Variants in ODAD1 observed in about 807,000 individuals in gnomAD.
ODAD1 encodes outer dynein arm-docking complex subunit 1.
ODAD1 carries 49 observed loss-of-function variants against 67.2 expected under a neutral mutation model. The ratio of observed to expected loss-of-function variants is 0.73; its 90% CI spans 0.58 to 0.92. ODAD1 has a LOEUF of 0.92. Among genes scored for constraint, ODAD1 ranks in the 40% least tolerant of loss-of-function variants. ODAD1 has a pLI of 0.00. For missense variants in ODAD1, 897 were observed against 953.7 expected (o/e 0.94, Z 0.78); for synonymous variants, 345 against 393.7 (o/e 0.88, Z 1.46).
At chr19:48,319,559 G>A (rs967443789) in intron 3 of ODAD1, 13 of 355,776 alleles carry the variant, frequency 3.7e-5, no homozygotes, top group South Asian at 1.1e-4. Context: ...ACAGGGTCTC[G>A]CTCTGTCCCC....
intron 6 of ODAD1, 74 bp from the exon 7 acceptor site, chr19:48,311,740 A>G (rs1355835944): frequency 2.1e-6 from 2 of 952,148 alleles, no homozygotes; most frequent in African/African-American, 3.3e-5. Flanking sequence ...TCAGCCAAGG[A>G]GGAGACACTT....
chr19:48,316,993 A>G (rs980683299), intron 5 of ODAD1, among the ~76,000 whole-genome samples: 2 of 152,124 alleles, frequency 1.3e-5, no homozygotes, highest in African/African-American at 4.8e-5. Flanking sequence ...ACAGAGCGAG[A>G]CTTTGTCTTG....
At chr19:48,307,857 G>C (rs1170419323) in intron 7 of ODAD1, among the ~76,000 whole-genome samples, 1 of 150,956 alleles carries the variant, frequency 6.6e-6, no homozygotes, top group Non-Finnish European at 1.5e-5. Context: ...GTCTCTTAGT[G>C]CCTCAACACC....
At chr19:48,319,346 G>T in intron 3 of ODAD1, 1 of 699,368 alleles carries the variant, frequency 1.4e-6, no homozygotes, top group Non-Finnish European at 1.8e-6. Flanking sequence ...CCCCTCATAG[G>T]CCTCCCATGA....
intron 5 of ODAD1, among the ~76,000 whole-genome samples, chr19:48,313,147 G>C (rs775300009): frequency 1.3e-5 from 2 of 152,138 alleles, no homozygotes; most frequent in Non-Finnish European, 2.9e-5. Context: ...CTCATATGTT[G>C]GCCGGGCACG....
At chr19:48,305,809 C>T (rs1183811438) in intron 8 of ODAD1, among the ~76,000 whole-genome samples, 8 of 151,886 alleles carry the variant, frequency 5.3e-5, no homozygotes, top group African/African-American at 1.9e-4. Flanking sequence ...GCCTGTAATC[C>T]CAGCACTTTG....
intron 5 of ODAD1, among the ~76,000 whole-genome samples, chr19:48,314,404 G>T (rs1968845012): frequency 6.6e-6 from 1 of 152,140 alleles, no homozygotes. Flanking sequence ...GTGGAACTTT[G>T]TCATAGCAGC....
In ODAD1 at chr19:48,312,062, C is replaced by G; in HGVS notation, c.415G>C (p.Gly139Arg). 6.5e-7 allele frequency: 1 copy of G among 1,550,366 alleles called. No individual in the cohort carries two copies. Among genetic ancestry groups the G allele is most frequent in the African/African-American group, 1.4e-5 (1 of 73,132 alleles). Reference protein sequence around the residue: ...FTHSKNVRSPGFILDQKVKIR... With the variant: ...FTHSKNVRSPRFILDQKVKIR... ...TTGACCTTCTGATCCAGGATGAATCCCGGGGACCTGACATTCTTACTGTGG... is the reference window on the plus strand; with the variant it reads ...TTGACCTTCTGATCCAGGATGAATCGCGGGGACCTGACATTCTTACTGTGG... Residue 139 changes from glycine (G) to arginine (R), a missense_variant, in exon 6 of 16, where the codon GGA becomes CGA. Physicochemically the swap from Gly to Arg is moderately radical, Grantham distance 125. Coordinates refer to ENST00000674294, the MANE Select transcript of ODAD1 (RefSeq NM_001364171.2).
intron 12 of ODAD1, among the ~76,000 whole-genome samples, chr19:48,298,916 G>A (rs1968381277): frequency 6.6e-6 from 1 of 152,194 alleles, no homozygotes; most frequent in Admixed American, 6.5e-5. Flanking sequence ...CAGGAAGGAG[G>A]ACCTGCCCAT....
At chr19:48,310,543 G>A (rs1222078270) in intron 7 of ODAD1, among the ~76,000 whole-genome samples, 7 of 152,176 alleles carry the variant, frequency 4.6e-5, no homozygotes, top group East Asian at 1.9e-4. Context: ...AGGAAATGGC[G>A]TTGTTCTTAG....
chr19:48,299,791 A>C (rs912229029), intron 12 of ODAD1, among the ~76,000 whole-genome samples: 1 of 151,926 alleles, frequency 6.6e-6, no homozygotes, highest in Non-Finnish European at 1.5e-5. Context: ...ACAGAGCGAG[A>C]CTTTCTCAAA....
Position 48,297,992 on chromosome 19 carries a change from C to T in ODAD1, c.1502+8G>A, listed in dbSNP as rs370587770. 1.7e-4 allele frequency: 268 copies of T among 1,605,662 alleles called. No homozygotes were observed. Among genetic ancestry groups the T allele is most frequent in the African/African-American group, 1.3e-3 (100 of 74,830 alleles). On this transcript the variant is annotated splice_region_variant and intron_variant, in intron 14 of 15. Transcript: ENST00000674294. ...TCCCCTCTGCGTCCCTCCTGCCCTG[C>T]GCCTCACAGAGTGTCAGGGGGCTGA...
chr19:48,297,287 T>C lies in ODAD1; in HGVS notation c.1813A>G (p.Ser605Gly), dbSNP rs1010207447. Residue 605 changes from serine (S) to glycine (G), a missense_variant, in exon 16 of 16, where the codon AGC (serine) becomes GGC (glycine). Transcript: ENST00000674294. ...GHVTFGGLSSSTGHLPSHITH... is the reference protein window; with the variant it reads ...GHVTFGGLSSGTGHLPSHITH... ...ATGTGGCTGGGCAAATGCCCAGTGC[T>C]GGAGCTGAGGCCGCCAAAAGTGACG... 21 of 1,613,880 alleles carry C rather than the reference T, an allele frequency of 1.3e-5. No individual in the cohort carries two copies. Among genetic ancestry groups the C allele is most frequent in the Non-Finnish European group, 1.8e-5 (21 of 1,180,026 alleles).
At chr19:48,316,736 G>A (rs778896530) in intron 5 of ODAD1, among the ~76,000 whole-genome samples, 11 of 152,078 alleles carry the variant, frequency 7.2e-5, no homozygotes, top group Non-Finnish European at 1.2e-4. Context: ...AATGGCTCAC[G>A]CTTGTAACCC....
intron 12 of ODAD1, among the ~76,000 whole-genome samples, chr19:48,300,286 G>A (rs1019515416): frequency 2.0e-5 from 3 of 152,028 alleles, no homozygotes; most frequent in Non-Finnish European, 4.4e-5. Flanking sequence ...CTGGGCAAAA[G>A]AGCGAAATTC....
intron 1 of ODAD1, chr19:48,321,451 G>A (rs753112926): frequency 1.4e-4 from 26 of 192,526 alleles, no homozygotes; most frequent in Non-Finnish European, 2.7e-4. Context: ...CTTCGGGGCC[G>A]GCGAGGGGAG....
chr19:48,303,316 G>T (rs2147316185), intron 10 of ODAD1: 2 of 614,268 alleles, frequency 3.3e-6, no homozygotes, highest in East Asian at 5.5e-5. Flanking sequence ...AGGCAGAGAG[G>T]GAAAGCCAGA....
rs1480527542 is a variant in ODAD1, at chr19:48,321,832, C to T, written c.-218G>A. ...AATTAAGGATTCATAGGAAGGAAGG[C>T]GGTGTCGAAGCCGGGAGTTGCGCGG... On this transcript the variant is annotated 5_prime_UTR_variant, in exon 1 of 16. Coordinates refer to ENST00000674294, the MANE Select transcript of ODAD1 (RefSeq NM_001364171.2). The T allele has an allele frequency of 7.5e-6, 3 of 398,476 alleles. No individual in the cohort carries two copies. Among genetic ancestry groups the T allele is most frequent in the Non-Finnish European group, 1.3e-5 (3 of 226,040 alleles). 24.7% of individuals were successfully genotyped at this position (398,476 alleles called of 1,614,324 possible). A position where few individuals can be genotyped will look rare whatever the true frequency, so the allele number is the denominator to read the frequency against.
rs554391472 is a variant in ODAD1, at chr19:48,311,602, A to G, written c.548T>C (p.Leu183Pro). ...NAALREELDL[L>P]RIDRNRYLNV... ...CAGATAGCGGTTCCTGTCGATCCGC[A>G]GCAGATCCAGCTCCTCCCGCAGGGC... is the stretch of plus-strand genomic sequence containing the variant. The change falls in exon 7 of 16, where the codon CTG becomes CCG. Residue 183 changes from leucine (L) to proline (P), a missense_variant. By Grantham distance (98) the Leu-to-Pro change is moderately conservative (BLOSUM62 -3). Coordinates refer to ENST00000674294, the MANE Select transcript of ODAD1 (RefSeq NM_001364171.2). The G allele has an allele frequency of 1.3e-6, 2 of 1,551,440 alleles. No homozygotes were observed. The highest frequency in any genetic ancestry group is 1.7e-6 in the Non-Finnish European group (2 of 1,146,824).
Sources: gnomAD v4.1 joint callset for allele counts (sites outside exome capture counted in the v4.1 genomes callset) on GRCh38, gnomAD v4.1.1 for gene constraint, MANE v1.5 for transcripts, NCBI Gene and HGNC (gene_info 2026-07-23, HGNC 2026-07-21) for gene names.